Variants in CSAD observed in about 807,000 individuals in gnomAD.
CSAD encodes the protein cysteine sulfinic acid decarboxylase.
CSAD carries 47 observed loss-of-function variants against 61.5 expected under a neutral mutation model. The ratio of observed to expected loss-of-function variants is 0.76; its 90% CI spans 0.60 to 0.97. CSAD has a LOEUF of 0.97. Ranked by LOEUF, CSAD falls within the 50% of genes least tolerant of loss-of-function variation. The pLI, the probability that CSAD is intolerant of heterozygous loss-of-function variation, is 0.00. For missense variants in CSAD, 611 were observed against 643.6 expected, an observed-to-expected ratio of 0.95 and a Z score of 0.55; for synonymous variants, 245 against 252.7, an observed-to-expected ratio of 0.97 and a Z score of 0.29.
At chr12:53,177,668 C>T (rs1035495832) in intron 2 of CSAD, among the ~76,000 whole-genome samples, 2 of 151,974 alleles carry the variant, frequency 1.3e-5, no homozygotes, top group Admixed American at 6.6e-5. Context: ...GACAGAGTTT[C>T]GCTCTTGTTG....
intron 15 of CSAD, 23 bp downstream of exon 15, chr12:53,159,864 C>A: frequency 6.3e-7 from 1 of 1,580,236 alleles, no homozygotes; most frequent in Non-Finnish European, 8.6e-7. Flanking sequence ...GGGCAGGGGC[C>A]ACAAAATAGA....
chr12:53,173,842 A>G lies in CSAD; in HGVS notation c.-49-72T>C. ...GTACAATTAAGTGTTTTTTTCATAA[A>G]TTCACAAAGTTGTTGCAACCATCAT... is the stretch of plus-strand genomic sequence containing the variant. On this transcript the variant is annotated intron_variant, in intron 2 of 16. Transcript: ENST00000444623. The G allele has an allele frequency of 2.0e-6, 3 of 1,491,668 alleles. No homozygotes were observed. The Admixed American group carries it at 5.9e-5, about 29-fold the overall frequency. 92.4% of individuals were successfully genotyped at this position (1,491,668 alleles called of 1,614,324 possible).
chr12:53,180,116 C>A, intron 1 of CSAD: 1 of 1,323,678 alleles, frequency 7.6e-7, no homozygotes, highest in East Asian at 3.2e-5. Context: ...AGCAGTGTGG[C>A]CAAGGGCTAC....
Position 53,171,388 on chromosome 12 carries a change from G to T in CSAD, c.505C>A (p.Pro169Thr). ...CGGAGGCCCCTCTGCTTGCAATCCGGGTAGCGCTGATAGCGGGCCAGATTT... is the reference window on the plus strand; with the variant it reads ...CGGAGGCCCCTCTGCTTGCAATCCGTGTAGCGCTGATAGCGGGCCAGATTT... ...AVNLARYQRY[P>T]DCKQRGLRTL... is the part of the protein sequence containing the mutation. Residue 169 changes from proline (P) to threonine (T), a missense_variant, in exon 8 of 17, where the codon CCG becomes ACG. Pro to Thr is a conservative substitution (Grantham distance 38). Coordinates refer to ENST00000444623, the MANE Select transcript of CSAD (RefSeq NM_001244705.2). The T allele has an allele frequency of 6.2e-7, 1 of 1,614,008 alleles. No individual in the cohort carries two copies. The highest frequency in any genetic ancestry group is 2.2e-5 in the East Asian group (1 of 44,882).
chr12:53,173,429 T>C lies in CSAD; in HGVS notation c.42A>G (p.Pro14=), dbSNP rs749658004. 12 of 1,614,172 alleles carry C rather than the reference T, an allele frequency of 7.4e-6. No individual in the cohort carries two copies. In the South Asian group the frequency reaches 1.1e-4, roughly 15 times the overall value. ...CCCGGAGCAAGGCTTCCACAGCCAC[T>C]GGGTCCCCAGCAAGGGAGGGGAGTG... ...SEALPSLAGD[P]VAVEALLRAV... Residue 14 remains proline, a synonymous_variant, in exon 4 of 17, where the codon CCA becomes CCG. Transcript: ENST00000444623.
intron 4 of CSAD, 47 bp downstream of exon 4, chr12:53,173,298 G>A (rs1415951358): frequency 6.5e-7 from 1 of 1,528,766 alleles, no homozygotes; most frequent in South Asian, 1.2e-5. Context: ...AAAGAGAAAA[G>A]AAAAGAAAGA....
chr12:53,160,286 T>G lies in CSAD; in HGVS notation c.1000A>C (p.Ser334Arg). The change falls in exon 14 of 17, where the codon AGC becomes CGC. Residue 334 changes from serine to arginine, a missense_variant. Ser to Arg is a moderately radical substitution (Grantham distance 110, BLOSUM62 -1). Transcript: ENST00000444623. The part of the protein sequence containing the change: ...LLKRCHGSQA[S>R]YLFQQDKFYD... The stretch of plus-strand genomic sequence containing the variant: ...AACTTGTCCTGCTGGAAAAGGTAGC[T>G]GGCCTGGGACCCATGGCAGCGCTTG... The G allele has an allele frequency of 1.2e-6, 2 of 1,614,160 alleles. No homozygotes were observed. The highest frequency in any genetic ancestry group is 1.7e-6 in the Non-Finnish European group (2 of 1,180,016).
chr12:53,169,457 C>A (rs1442173592), intron 10 of CSAD, among the ~76,000 whole-genome samples: 4 of 142,860 alleles, frequency 2.8e-5, no homozygotes, highest in Admixed American at 1.4e-4. Flanking sequence ...CCTGCCTGGG[C>A]AACAGGAGTG....
In CSAD at chr12:53,179,834, T is replaced by C. The variant is rs1941428133; in HGVS notation, c.-90-692A>G. Reference sequence around the variant, plus strand: ...CTCCTTCCATCAAGCGCATTTGCAGTCCATCTTTAGCAGGACCTCTCTCTA... The same window carrying C: ...CTCCTTCCATCAAGCGCATTTGCAGCCCATCTTTAGCAGGACCTCTCTCTA... On this transcript the variant is annotated intron_variant, in intron 1 of 16. Coordinates refer to ENST00000444623, the MANE Select transcript of CSAD (RefSeq NM_001244705.2). The C allele has an allele frequency of 3.7e-6, 6 of 1,613,756 alleles. No individual in the cohort carries two copies. The African/African-American group carries it at 5.3e-5, about 14-fold the overall frequency.
At chr12:53,169,135 G>A (rs1007646435) in intron 10 of CSAD, among the ~76,000 whole-genome samples, 3 of 151,484 alleles carry the variant, frequency 2.0e-5, no homozygotes, top group Non-Finnish European at 4.4e-5. Context: ...AGCCGAGATC[G>A]TGCCATTGCA....
At chr12:53,160,730 G>A in intron 13 of CSAD, 33 bp downstream of exon 13, 1 of 1,517,776 alleles carries the variant, frequency 6.6e-7, no homozygotes, top group Non-Finnish European at 9.0e-7. Context: ...CCAGAGAGAG[G>A]TGGGGCTGGT....
At position 53,162,168 on chromosome 12, in the gene CSAD, G is replaced by C. The variant is rs972360502; in HGVS notation, c.703-779C>G. Among the ~76,000 whole-genome samples the C allele has an allele frequency of 3.3e-5, 5 of 152,222 alleles. No homozygotes were observed. The East Asian group carries it at 9.7e-4, about 29-fold the overall frequency. Reference sequence around the variant, plus strand: ...CCCAGCTACTTGGGAGGCGGAAGCCGAGGCAGAGGCATGAGAATCGCTTGA... The same window carrying C: ...CCCAGCTACTTGGGAGGCGGAAGCCCAGGCAGAGGCATGAGAATCGCTTGA... On this transcript the variant is annotated intron_variant, in intron 10 of 16. Transcript: ENST00000444623.
At chr12:53,170,162 G>C (rs1278183753) in intron 9 of CSAD, 36 bp from the exon 10 acceptor site, 1 of 1,597,240 alleles carries the variant, frequency 6.3e-7, no homozygotes, top group Admixed American at 1.7e-5. Context: ...AGCAGGGACA[G>C]GTTCTCTGTT....
At chr12:53,180,614 GC>G in intron 1 of CSAD, 117 bp downstream of exon 1, 1 of 1,283,758 alleles carries the variant, frequency 7.8e-7, no homozygotes, top group Admixed American at 2.3e-5. Flanking sequence ...CTCTGAGGCT[GC>G]CCCCGCTAGT....
chr12:53,173,314 T>G (rs774355090), intron 4 of CSAD, 31 bp downstream of exon 4: 1 of 1,581,852 alleles, frequency 6.3e-7, no homozygotes, highest in South Asian at 1.1e-5. Context: ...AAAGAAAGCT[T>G]GATGGGAAGG....
In CSAD at chr12:53,158,675, C is replaced by G. The variant is rs774684695; in HGVS notation, c.1318G>C (p.Val440Leu). The stretch of plus-strand genomic sequence containing the variant: ...TCCTTCACCATGCGCTCCTTGAGCA[C>G]GGGGGCCACCTGTGGAAGGGTGGAG... ...YHERLSKVAPVLKERMVKEGS... is the reference protein window; with the variant it reads ...YHERLSKVAPLLKERMVKEGS... The change falls in exon 17 of 17, where the codon GTG (valine) becomes CTG (leucine). Residue 440 changes from valine to leucine, a missense_variant. Physicochemically the swap from Val to Leu is conservative, Grantham distance 32. Transcript: ENST00000444623. 5 of 1,613,804 alleles carry G rather than the reference C, an allele frequency of 3.1e-6. No homozygotes were observed. The highest frequency in any genetic ancestry group is 2.2e-5 in the South Asian group (2 of 91,066).
intron 1 of CSAD, chr12:53,180,030 G>A: frequency 1.4e-6 from 2 of 1,430,762 alleles, no homozygotes; most frequent in Non-Finnish European, 1.8e-6. Context: ...AAAGGGCGAA[G>A]GGGAGAAGGT....
chr12:53,173,589 C>T lies in CSAD; in HGVS notation c.-6-113G>A, dbSNP rs139306916. 292 of 1,574,656 alleles carry T rather than the reference C, an allele frequency of 1.9e-4. No homozygotes were observed. The African/African-American group carries it at 3.4e-3, about 19-fold the overall frequency. ...AGGCCCAAACCCTGCAGCTCAGTCT[C>T]GGCCTCCAGTGCACAGACAAGGGCA... On this transcript the variant is annotated intron_variant, in intron 3 of 16. Transcript: ENST00000444623.
At chr12:53,170,693 G>C (rs1940460616) in intron 8 of CSAD, 191 bp from the exon 9 acceptor site, 1 of 599,768 alleles carries the variant, frequency 1.7e-6, no homozygotes, top group Non-Finnish European at 3.0e-6. Context: ...CTGGGGTCTA[G>C]GGTGGGGCCC....
Sources: gnomAD v4.1 joint callset for allele counts (sites outside exome capture counted in the v4.1 genomes callset) on GRCh38, gnomAD v4.1.1 for gene constraint, MANE v1.5 for transcripts, NCBI Gene and HGNC (gene_info 2026-07-23, HGNC 2026-07-21) for gene names.